CECR2: variants seen among roughly 807,000 people sequenced by gnomAD.
CECR2 encodes the protein chromatin remodeling regulator CECR2.
In CECR2, 30 loss-of-function variants were observed where a neutral mutation model predicts 154.5. That is an observed-to-expected ratio of 0.19 (90% CI 0.15 to 0.26). The LOEUF (loss-of-function observed/expected upper bound fraction) is 0.26. CECR2 is among the 10% of genes least tolerant of loss of function. The pLI is 1.00. For synonymous variants in CECR2, 725 were observed against 683.7 expected (o/e 1.06, Z -0.94); for missense variants, 1,743 against 1,829.3 (o/e 0.95, Z 0.86).
intron 1 of CECR2, among the ~76,000 whole-genome samples, chr22:17,392,548 A>G (rs114820197): frequency 6.6e-6 from 1 of 152,090 alleles, no homozygotes; most frequent in African/African-American, 2.4e-5. Context: ...AGTCTCAGCT[A>G]CTTGGGAAGC....
intron 1 of CECR2, among the ~76,000 whole-genome samples, chr22:17,472,054 T>A (rs1273909175): frequency 6.6e-6 from 1 of 152,194 alleles, no homozygotes; most frequent in Non-Finnish European, 1.5e-5. Context: ...TTACTCAGCA[T>A]CGAGCCAGTG....
chr22:17,455,377 A>T (rs1276752544), intron 1 of CECR2, among the ~76,000 whole-genome samples: 3 of 152,228 alleles, frequency 2.0e-5, no homozygotes, highest in African/African-American at 7.2e-5. Context: ...GTCTTTGAAG[A>T]GGAACCTCTA....
At chr22:17,483,728 G>GT (rs907326554) in intron 2 of CECR2, among the ~76,000 whole-genome samples, 16 of 151,900 alleles carry the variant, frequency 1.1e-4, no homozygotes, top group Admixed American at 2.0e-4. Context: ...TGAAGGAAAG[G>GT]TTTTTTTTAA....
chr22:17,449,256 C>T (rs2054727482), intron 1 of CECR2, among the ~76,000 whole-genome samples: 1 of 152,056 alleles, frequency 6.6e-6, no homozygotes, highest in African/African-American at 2.4e-5. Context: ...TAGCAGAGGA[C>T]CGTGGCTTGA....
rs779595278 is a variant in CECR2 at position 17,542,804 on chromosome 22, G to A, written c.2661G>A (p.Ala887=). The change falls in exon 16 of 19, where the codon GCG becomes GCA. Residue 887 remains alanine, a synonymous_variant. Coordinates refer to ENST00000262608, the MANE Select transcript of CECR2 (RefSeq NM_001290047.2). ...TGATGGACAGCCCAGAGATGATTGCGATGCAGCAGCTCTCCTCCCGCGTCT... is the reference window on the plus strand; with the variant it reads ...TGATGGACAGCCCAGAGATGATTGCAATGCAGCAGCTCTCCTCCCGCGTCT... ...DSMMDSPEMI[A]MQQLSSRVCP... 51 of 1,613,788 alleles carry A rather than the reference G, an allele frequency of 3.2e-5. No homozygotes were observed. The highest frequency in any genetic ancestry group is 8.8e-5 in the South Asian group (8 of 91,086).
intron 2 of CECR2, 69 bp downstream of exon 2, chr22:17,477,751 C>T (rs1200766975): frequency 6.3e-6 from 7 of 1,110,144 alleles, no homozygotes; most frequent in African/African-American, 1.5e-5. Flanking sequence ...AGTGATGTTT[C>T]CTGTCTCCTG....
In CECR2 at chr22:17,544,809, CAAAAAA is replaced by C. The variant is rs67994839; in HGVS notation, c.2860+1828_2860+1833del. On this transcript the variant is annotated intron_variant, in intron 16 of 18. Transcript: ENST00000262608. ...TGGGCCACAAAGTGAGACTCTGTCTCAAAAAAAAAAAAAAAAAAAAAAAAAAAGGTT... is the reference window on the plus strand; with the variant it reads ...TGGGCCACAAAGTGAGACTCTGTCTCAAAAAAAAAAAAAAAAAAAAAGGTT... 9.0e-4 allele frequency among the ~76,000 whole-genome samples: 41 copies of C among 45,620 alleles called. 1 individual carries two copies. Among genetic ancestry groups the C allele is most frequent in the African/African-American group, 3.0e-3 (34 of 11,518 alleles). 29.9% of individuals were successfully genotyped at this position (45,620 alleles called of 152,430 possible).
chr22:17,392,770 G>C (rs1347213931), intron 1 of CECR2, among the ~76,000 whole-genome samples: 1 of 152,086 alleles, frequency 6.6e-6, no homozygotes, highest in Non-Finnish European at 1.5e-5. Flanking sequence ...GGCCGGGCAC[G>C]GTGGCTCACA....
At chr22:17,382,386 T>C (rs536750580) in intron 1 of CECR2, among the ~76,000 whole-genome samples, 3 of 152,274 alleles carry the variant, frequency 2.0e-5, no homozygotes, top group African/African-American at 7.2e-5. Flanking sequence ...GTAGCTGGAA[T>C]AGAACAGACT....
chr22:17,396,267 A>G (rs576683668), intron 1 of CECR2, among the ~76,000 whole-genome samples: 1 of 149,316 alleles, frequency 6.7e-6, no homozygotes, highest in South Asian at 2.1e-4. Flanking sequence ...AAACAAGGCC[A>G]GGCGCTGTGG....
At chr22:17,474,110 G>A (rs1044042845) in intron 1 of CECR2, among the ~76,000 whole-genome samples, 4 of 152,074 alleles carry the variant, frequency 2.6e-5, no homozygotes, top group South Asian at 2.1e-4. Flanking sequence ...CCAGGGGTTC[G>A]TCACCTATTC....
At chr22:17,485,551 A>T (rs1018555141) in intron 2 of CECR2, among the ~76,000 whole-genome samples, 1 of 152,146 alleles carries the variant, frequency 6.6e-6, no homozygotes, top group Non-Finnish European at 1.5e-5. Context: ...GGCCGCTCAC[A>T]TGAACTCAGG....
intron 1 of CECR2, among the ~76,000 whole-genome samples, chr22:17,460,850 T>G (rs5747175): frequency 0.087 from 13,312 of 152,284 alleles, 1,069 homozygotes; most frequent in East Asian, 0.4. Flanking sequence ...AAATCTCTTA[T>G]GTTTATATCA....
chr22:17,423,011 C>T (rs1450615550), intron 1 of CECR2, among the ~76,000 whole-genome samples: 1 of 152,116 alleles, frequency 6.6e-6, no homozygotes, highest in Non-Finnish European at 1.5e-5. Flanking sequence ...CAGTCTGCTT[C>T]CGATGAGTCT....
chr22:17,436,044 C>T (rs1466412938), intron 1 of CECR2, among the ~76,000 whole-genome samples: 1 of 152,178 alleles, frequency 6.6e-6, no homozygotes, highest in Non-Finnish European at 1.5e-5. Flanking sequence ...CTGCAACCTC[C>T]GCCTCCTGAG....
intron 16 of CECR2, among the ~76,000 whole-genome samples, chr22:17,545,122 A>C (rs537077307): frequency 7.9e-5 from 12 of 152,038 alleles, no homozygotes; most frequent in African/African-American, 2.4e-4. Flanking sequence ...CATCTGTAAT[A>C]CCAGCACTTT....
At chr22:17,545,826 G>A (rs1332961805) in intron 16 of CECR2, among the ~76,000 whole-genome samples, 2 of 141,830 alleles carry the variant, frequency 1.4e-5, no homozygotes, top group Admixed American at 7.4e-5. Flanking sequence ...CTGGGCAACA[G>A]AGCAAGACTC....
At chr22:17,401,474 T>C (rs1271038631) in intron 1 of CECR2, among the ~76,000 whole-genome samples, 2 of 151,964 alleles carry the variant, frequency 1.3e-5, no homozygotes, top group Non-Finnish European at 1.5e-5. Flanking sequence ...TGCCCCCGTC[T>C]CACCCCAACC....
Position 17,376,214 on chromosome 22 carries a change from G to C in CECR2, c.126+6305G>C, listed in dbSNP as rs537563116. 4.6e-5 allele frequency among the ~76,000 whole-genome samples: 7 copies of C among 152,238 alleles called. No individual in the cohort carries two copies. In the South Asian group the frequency reaches 1.5e-3, roughly 32 times the overall value. ...TTATACCCACGCTTTGAAAGGAAAG[G>C]CTTGCTGCTTTGGTGTGTGTGTGTG... On this transcript the variant is annotated intron_variant, in intron 1 of 18. Transcript: ENST00000262608.
Sources: gnomAD v4.1 joint callset for allele counts (sites outside exome capture counted in the v4.1 genomes callset) on GRCh38, gnomAD v4.1.1 for gene constraint, MANE v1.5 for transcripts, NCBI Gene and HGNC (gene_info 2026-07-23, HGNC 2026-07-21) for gene names.